The following DNAJC1 variants were observed in gnomAD, a reference collection of about 807,000 sequenced individuals.
DNAJC1 encodes dnaJ homolog subfamily C member 1.
A neutral mutation model predicts 76.6 loss-of-function variants in DNAJC1; 58 were observed. The ratio of observed to expected loss-of-function variants is 0.76; its 90% CI spans 0.61 to 0.94. The LOEUF is 0.94. DNAJC1 is among the 40% of genes least tolerant of loss of function. The pLI is 0.00. For missense variants in DNAJC1, 689 were observed against 677.3 expected (o/e 1.02, Z -0.19); for synonymous variants, 258 against 267.9 (o/e 0.96, Z 0.36).
intron 8 of DNAJC1, among the ~76,000 whole-genome samples, chr10:21,830,306 C>T (rs1835335323): frequency 1.3e-5 from 2 of 152,140 alleles, no homozygotes; most frequent in African/African-American, 4.8e-5. Context: ...AACTGCTAGG[C>T]CTTAGTTTGT....
intron 1 of DNAJC1, among the ~76,000 whole-genome samples, chr10:21,965,713 T>A (rs956358557): frequency 1.3e-5 from 2 of 152,182 alleles, no homozygotes; most frequent in African/African-American, 2.4e-5. Flanking sequence ...CAAACCCTTG[T>A]AGCAGAACAC....
At chr10:21,957,187 A>T (rs1837703260) in intron 1 of DNAJC1, among the ~76,000 whole-genome samples, 1 of 151,956 alleles carries the variant, frequency 6.6e-6, no homozygotes, top group Non-Finnish European at 1.5e-5. Flanking sequence ...ACTGCGCCTG[A>T]CCAGAATTCT....
chr10:21,911,911 G>T (rs746759595), intron 6 of DNAJC1, among the ~76,000 whole-genome samples: 4 of 152,072 alleles, frequency 2.6e-5, no homozygotes, highest in Non-Finnish European at 5.9e-5. Context: ...CCCAACTGTG[G>T]GCTAAACGTA....
rs750098262 is a variant in DNAJC1, at chr10:21,919,900, TTCTC to T, written c.563_566del (p.Arg188LysfsTer26). 3 of 1,607,486 alleles carry T rather than the reference TTCTC, an allele frequency of 1.9e-6. No individual in the cohort carries two copies. Among genetic ancestry groups the T allele is most frequent in the South Asian group, 2.2e-5 (2 of 90,072 alleles). Reference sequence around the variant, plus strand: ...TCTTGCTGCCAGTCTTTTTTTTCTTTTCTCTCTTTTTTCTACTTAGTAGTTCATC... The same window carrying T: ...TCTTGCTGCCAGTCTTTTTTTTCTTTTCTTTTTTCTACTTAGTAGTTCATC... On this transcript the variant is annotated frameshift_variant, in exon 5 of 12. Transcript: ENST00000376980. LOFTEE classifies it high-confidence loss of function.
At chr10:21,826,334 A>T (rs114659500) in intron 8 of DNAJC1, among the ~76,000 whole-genome samples, 2 of 145,394 alleles carry the variant, frequency 1.4e-5, no homozygotes, top group Non-Finnish European at 3.0e-5. Flanking sequence ...CTCTCTTTTT[A>T]TTTTAGAGAT....
intron 7 of DNAJC1, among the ~76,000 whole-genome samples, chr10:21,902,349 T>C (rs995092901): frequency 3.3e-5 from 5 of 152,174 alleles, no homozygotes; most frequent in African/African-American, 1.2e-4. Context: ...GACGGAGTCT[T>C]GCTCTGTCAC....
At chr10:21,975,336 A>G (rs1838045117) in intron 1 of DNAJC1, among the ~76,000 whole-genome samples, 1 of 152,120 alleles carries the variant, frequency 6.6e-6, no homozygotes, top group Non-Finnish European at 1.5e-5. Flanking sequence ...TAAATAAATA[A>G]ATGAGAAAGA....
At chr10:21,984,306 G>A (rs1027427080) in intron 1 of DNAJC1, among the ~76,000 whole-genome samples, 4 of 152,100 alleles carry the variant, frequency 2.6e-5, no homozygotes, top group Non-Finnish European at 5.9e-5. Flanking sequence ...TTACATACAA[G>A]AAGAATAGAA....
intron 8 of DNAJC1, among the ~76,000 whole-genome samples, chr10:21,810,103 A>G (rs1425907847): frequency 1.3e-5 from 2 of 152,110 alleles, no homozygotes; most frequent in Non-Finnish European, 2.9e-5. Context: ...ATACAGTCAC[A>G]TTGGGAGTTA....
chr10:21,989,327 A>C (rs557167087), intron 1 of DNAJC1, among the ~76,000 whole-genome samples: 2 of 152,356 alleles, frequency 1.3e-5, no homozygotes, highest in Non-Finnish European at 2.9e-5. Flanking sequence ...TTCCAAACAT[A>C]TACCAATGTT....
Position 21,855,743 on chromosome 10 carries a change from C to T in DNAJC1, c.978+26539G>A, listed in dbSNP as rs1835823959. Among the ~76,000 whole-genome samples the T allele has an allele frequency of 1.3e-5, 2 of 152,092 alleles. 1 individual carries two copies. The highest frequency in any genetic ancestry group is 4.1e-4 in the South Asian group (2 of 4,822). On this transcript the variant is annotated intron_variant, in intron 8 of 11. Coordinates refer to ENST00000376980, the MANE Select transcript of DNAJC1 (RefSeq NM_022365.4). ...GAAGATCTAGCAAAAAGAGTCTCAC[C>T]AACACTTCAACGTAATCAGTGCTCC...
intron 1 of DNAJC1, among the ~76,000 whole-genome samples, chr10:21,934,867 C>T (rs1476154117): frequency 1.3e-5 from 2 of 152,150 alleles, no homozygotes; most frequent in East Asian, 1.9e-4. Flanking sequence ...AAGAAAATAT[C>T]TGTCAAATCA....
chr10:21,985,993 C>T (rs1254005563), intron 1 of DNAJC1, among the ~76,000 whole-genome samples: 10 of 152,048 alleles, frequency 6.6e-5, no homozygotes, highest in Non-Finnish European at 8.8e-5. Flanking sequence ...TCTGGGAAGC[C>T]GAGGCGGGCA....
chr10:21,954,232 A>C (rs1341674691), intron 1 of DNAJC1, among the ~76,000 whole-genome samples: 1 of 152,230 alleles, frequency 6.6e-6, no homozygotes, highest in Non-Finnish European at 1.5e-5. Context: ...TTATGATGTG[A>C]CTAAATTAAG....
chr10:21,762,358 G>GA (rs1834251727), intron 10 of DNAJC1, among the ~76,000 whole-genome samples: 1 of 152,128 alleles, frequency 6.6e-6, no homozygotes, highest in South Asian at 2.1e-4. Context: ...CAATGAGATT[G>GA]AAAAATTGCT....
intron 1 of DNAJC1, among the ~76,000 whole-genome samples, chr10:21,945,593 A>G (rs1417219653): frequency 6.6e-6 from 1 of 152,166 alleles, no homozygotes; most frequent in Non-Finnish European, 1.5e-5. Context: ...GGATACATGT[A>G]GGTCTAAGTC....
At chr10:21,808,425 A>C (rs1347950975) in intron 8 of DNAJC1, among the ~76,000 whole-genome samples, 1 of 152,206 alleles carries the variant, frequency 6.6e-6, no homozygotes, top group Non-Finnish European at 1.5e-5. Context: ...GAATTCCTGA[A>C]AAATCACCTA....
chr10:21,794,628 T>C (rs1356156497), intron 9 of DNAJC1, among the ~76,000 whole-genome samples: 1 of 152,122 alleles, frequency 6.6e-6, no homozygotes, highest in Non-Finnish European at 1.5e-5. Context: ...TAAGAAAATG[T>C]AGGAGAAATT....
At chr10:21,829,718 G>C (rs1835325173) in intron 8 of DNAJC1, among the ~76,000 whole-genome samples, 2 of 152,168 alleles carry the variant, frequency 1.3e-5, no homozygotes, top group Non-Finnish European at 2.9e-5. Context: ...ATAACATATG[G>C]CTGGATTTCA....
Sources: gnomAD v4.1 joint callset for allele counts (sites outside exome capture counted in the v4.1 genomes callset) on GRCh38, gnomAD v4.1.1 for gene constraint, MANE v1.5 for transcripts, NCBI Gene and HGNC (gene_info 2026-07-23, HGNC 2026-07-21) for gene names.